TENM1: variants seen among roughly 807,000 people sequenced by gnomAD.
The protein encoded by TENM1 is teneurin transmembrane protein 1.
Under a neutral mutation model 174.8 loss-of-function variants are expected in TENM1, and 35 were observed. The ratio of observed to expected loss-of-function variants is 0.20; its 90% CI spans 0.15 to 0.27. TENM1 has a LOEUF of 0.27. TENM1 is among the 10% of genes least tolerant of loss of function. The pLI is 1.00. For synonymous variants in TENM1, 781 were observed against 798.7 expected (o/e 0.98, Z 0.37); for missense variants, 1,633 against 2,130.1 (o/e 0.77, Z 4.59).
At chrX:125,130,789 A>T in the TENM1 span, among the ~76,000 whole-genome samples, 369 of 112,061 alleles carry the variant, frequency 3.3e-3, 3 homozygotes, top group African/African-American at 0.011. Context: ...AGCACCCATT[A>T]TCTGCCAGCC....
intron 3 of TENM1, among the ~76,000 whole-genome samples, chrX:124,877,533 G>T (rs959946873): frequency 8.9e-6 from 1 of 111,785 alleles, no homozygotes; most frequent in African/African-American, 3.3e-5. Context: ...GGGGTATTTG[G>T]AGGTAGTCAT....
chrX:124,860,960 CCTT>C (rs1300543732), intron 3 of TENM1, among the ~76,000 whole-genome samples: 2 of 111,482 alleles, frequency 1.8e-5, no homozygotes, highest in African/African-American at 6.5e-5. Flanking sequence ...TCTTGATAAA[CCTT>C]CTTGTGGCTG....
At chrX:124,705,182 C>G in exon 5 of TENM1, 1 of 1,210,849 alleles carries the variant, frequency 8.3e-7, no homozygotes. Flanking sequence ...TATTGGATGT[C>G]AGAGGGTAGT....
intron 3 of TENM1, among the ~76,000 whole-genome samples, chrX:124,762,890 T>A (rs1378152344): frequency 3.6e-5 from 4 of 111,447 alleles, no homozygotes. Context: ...ATGGTCAGCA[T>A]CATACTTGTG....
chrX:125,202,620 G>A, the TENM1 span, among the ~76,000 whole-genome samples: 2 of 110,932 alleles, frequency 1.8e-5, no homozygotes, highest in African/African-American at 3.3e-5. Flanking sequence ...CGAAGCTGCC[G>A]ACGGCGAGTA....
At chrX:125,025,491 A>G in the TENM1 span, among the ~76,000 whole-genome samples, 1 of 111,983 alleles carries the variant, frequency 8.9e-6, no homozygotes, top group Non-Finnish European at 1.9e-5. Flanking sequence ...GAAACAGAAA[A>G]GAGTCTGAAG....
chrX:124,707,629 CAT>C lies in TENM1; in HGVS notation c.777-2380_777-2379del, dbSNP rs201919786. On this transcript the variant is annotated intron_variant, in intron 4 of 31. Transcript: ENST00000422452. The stretch of plus-strand genomic sequence containing the variant: ...GCACCATGACAGTTCCAGAAATACC[CAT>C]GTTTGGTGTAAAAATGGGTGGCACC... 2.9e-3 allele frequency among the ~76,000 whole-genome samples: 323 copies of C among 111,606 alleles called. 2 individuals are homozygous for C. In the East Asian group the frequency reaches 0.032, roughly 11 times the overall value.
rs182374111 is a variant in TENM1 at position 124,943,723 on chromosome X, A to G, written c.217+19814T>C. ...CTTATCCAGAGAAAACTGGAAGCTCATGCCATAGCTTACTAGGATTTTTGC... is the reference window on the plus strand; with the variant it reads ...CTTATCCAGAGAAAACTGGAAGCTCGTGCCATAGCTTACTAGGATTTTTGC... On this transcript the variant is annotated intron_variant, in intron 1 of 31. Transcript: ENST00000422452. Among the ~76,000 whole-genome samples, 246 of 112,264 alleles carry G rather than the reference A, an allele frequency of 2.2e-3. 1 individual carries two copies. The highest frequency in any genetic ancestry group is 7.5e-3 in the African/African-American group (234 of 31,055).
the TENM1 span, among the ~76,000 whole-genome samples, chrX:125,140,008 G>A: frequency 5.5e-4 from 61 of 111,169 alleles, no homozygotes; most frequent in African/African-American, 2.0e-3. Context: ...ATATATTACT[G>A]GGCATTAAAG....
intron 14 of TENM1, among the ~76,000 whole-genome samples, chrX:124,558,453 T>C (rs1010089712): frequency 1.7e-4 from 19 of 111,322 alleles, no homozygotes; most frequent in African/African-American, 4.9e-4. Context: ...AACTACTTTT[T>C]CCCAAAACGG....
intron 4 of TENM1, among the ~76,000 whole-genome samples, chrX:124,720,522 G>A (rs1367522777): frequency 9.0e-6 from 1 of 111,517 alleles, no homozygotes; most frequent in African/African-American, 3.3e-5. Context: ...TCCCTAAAAT[G>A]TGTAAAAGCA....
At chrX:124,395,201 T>C (rs2060320491) in intron 27 of TENM1, among the ~76,000 whole-genome samples, 1 of 111,749 alleles carries the variant, frequency 8.9e-6, no homozygotes, top group African/African-American at 3.3e-5. Context: ...GAAAATGATA[T>C]GCTGCTGTGG....
intron 3 of TENM1, among the ~76,000 whole-genome samples, chrX:124,764,737 A>G (rs2054502071): frequency 9.2e-6 from 1 of 108,496 alleles, no homozygotes; most frequent in Admixed American, 9.9e-5. Context: ...ATACGTACAC[A>G]TGTAGATTGA....
At chrX:124,806,565 A>G (rs1309748003) in intron 3 of TENM1, among the ~76,000 whole-genome samples, 2 of 112,432 alleles carry the variant, frequency 1.8e-5, no homozygotes, top group Non-Finnish European at 3.8e-5. Flanking sequence ...GTAAAAGAAA[A>G]GAAGCAAAGA....
At chrX:124,739,379 G>A (rs977960597) in intron 3 of TENM1, among the ~76,000 whole-genome samples, 3 of 111,490 alleles carry the variant, frequency 2.7e-5, no homozygotes, top group Non-Finnish European at 5.6e-5. Flanking sequence ...CTCTCCACTC[G>A]CCATTTTACA....
the TENM1 span, among the ~76,000 whole-genome samples, chrX:125,020,923 A>G: frequency 9.0e-6 from 1 of 111,339 alleles, no homozygotes; most frequent in Admixed American, 9.6e-5. Context: ...ACATTATTCA[A>G]AATTTGGTAT....
At chrX:125,153,256 A>T in the TENM1 span, among the ~76,000 whole-genome samples, 8,183 of 111,478 alleles carry the variant, frequency 0.073, 599 homozygotes, top group Admixed American at 0.26. Flanking sequence ...AGATTTTTTT[A>T]AAAAATCACT....
At chrX:124,812,099 C>T (rs778378208) in intron 3 of TENM1, among the ~76,000 whole-genome samples, 6 of 110,891 alleles carry the variant, frequency 5.4e-5, no homozygotes, top group Non-Finnish European at 9.5e-5. Flanking sequence ...ATGGTGATTA[C>T]AGTTAATGAC....
At chrX:125,061,495 G>T in the TENM1 span, among the ~76,000 whole-genome samples, 319 of 112,045 alleles carry the variant, frequency 2.8e-3, 2 homozygotes, top group Middle Eastern at 4.6e-3. Context: ...AAAATAAACC[G>T]TACTCTTCAG....
Sources: gnomAD v4.1 joint callset for allele counts (sites outside exome capture counted in the v4.1 genomes callset) on GRCh38, gnomAD v4.1.1 for gene constraint, MANE v1.5 for transcripts, NCBI Gene and HGNC (gene_info 2026-07-23, HGNC 2026-07-21) for gene names.